The following CPQ variants were observed in gnomAD, a reference collection of about 807,000 sequenced individuals.
CPQ encodes the protein carboxypeptidase Q.
CPQ carries 37 observed loss-of-function variants against 45.7 expected under a neutral mutation model. The ratio of observed to expected loss-of-function variants is 0.81; its 90% CI spans 0.62 to 1.07. CPQ has a LOEUF of 1.07. CPQ is among the 50% of genes least tolerant of loss of function. The pLI, the probability that CPQ is intolerant of heterozygous loss-of-function variation, is 0.00. For synonymous variants in CPQ, 186 were observed against 205.8 expected, an observed-to-expected ratio of 0.90 and a Z score of 0.82; for missense variants, 537 against 572.9, an observed-to-expected ratio of 0.94 and a Z score of 0.64.
chr8:96,878,177 A>G (rs1366823783), intron 3 of CPQ, among the ~76,000 whole-genome samples: 1 of 152,102 alleles, frequency 6.6e-6, no homozygotes, highest in African/African-American at 2.4e-5. Flanking sequence ...CATGTTGGCC[A>G]GGATGGTCTT....
At chr8:96,676,377 A>T (rs113750722) in intron 1 of CPQ, among the ~76,000 whole-genome samples, 3,689 of 151,916 alleles carry the variant, frequency 0.024, 164 homozygotes, top group African/African-American at 0.084. Context: ...TCTTTATGTG[A>T]ATTTATTCCT....
intron 1 of CPQ, among the ~76,000 whole-genome samples, chr8:96,741,780 C>T (rs529949545): frequency 5.3e-5 from 8 of 151,272 alleles, no homozygotes; most frequent in South Asian, 4.2e-4. Context: ...TGTAGTTGAG[C>T]GGTTTTGAGT....
chr8:97,023,277 G>C (rs1256890874), intron 5 of CPQ, among the ~76,000 whole-genome samples: 1 of 151,842 alleles, frequency 6.6e-6, no homozygotes, highest in East Asian at 1.9e-4. Flanking sequence ...CAAGCTATGA[G>C]GATGCAAAGG....
chr8:96,938,876 T>G lies in CPQ; in HGVS notation c.850-27059T>G, dbSNP rs1260988784. ...CATATAGTTTTAGGAGCTTTTACTT[T>G]CTGTGCTTCCTTGTTACAGAAATGA... On this transcript the variant is annotated intron_variant, in intron 4 of 7. Coordinates refer to ENST00000220763, the MANE Select transcript of CPQ (RefSeq NM_016134.4). Among the ~76,000 whole-genome samples, 3 of 152,178 alleles carry G rather than the reference T, an allele frequency of 2.0e-5. No individual in the cohort carries two copies. The East Asian group carries it at 5.8e-4, about 29-fold the overall frequency.
At chr8:96,987,628 A>G (rs1809012005) in intron 5 of CPQ, among the ~76,000 whole-genome samples, 1 of 152,178 alleles carries the variant, frequency 6.6e-6, no homozygotes, top group Admixed American at 6.5e-5. Context: ...AACCTTTGTT[A>G]ATCATACAGC....
At chr8:96,731,252 A>G (rs1809910345) in intron 1 of CPQ, among the ~76,000 whole-genome samples, 1 of 152,138 alleles carries the variant, frequency 6.6e-6, no homozygotes, top group South Asian at 2.1e-4. Flanking sequence ...TTATATCTTA[A>G]TTAGAGATGA....
At chr8:96,784,404 G>A (rs974744558) in intron 1 of CPQ, among the ~76,000 whole-genome samples, 3 of 151,720 alleles carry the variant, frequency 2.0e-5, no homozygotes, top group Admixed American at 6.6e-5. Flanking sequence ...TGAGGTGGGG[G>A]GGGGGTTGGT....
chr8:96,963,209 G>A (rs1341960835), intron 4 of CPQ, among the ~76,000 whole-genome samples: 19 of 152,152 alleles, frequency 1.2e-4, no homozygotes, highest in Admixed American at 1.2e-3. Flanking sequence ...GTTTATTGAA[G>A]CACATTTTTA....
At chr8:97,013,817 G>A (rs977443577) in intron 5 of CPQ, among the ~76,000 whole-genome samples, 1 of 152,282 alleles carries the variant, frequency 6.6e-6, no homozygotes, top group South Asian at 2.1e-4. Context: ...TAGACCAGTG[G>A]TGTCCAAAGT....
chr8:97,045,165 T>G (rs1343776065), intron 6 of CPQ, among the ~76,000 whole-genome samples: 1 of 152,188 alleles, frequency 6.6e-6, no homozygotes, highest in Non-Finnish European at 1.5e-5. Flanking sequence ...CGGCTGCTTT[T>G]TTTACCTAAG....
Position 96,989,492 on chromosome 8 carries a change from G to GGAGGA in CPQ, c.961+23463_961+23467dup, listed in dbSNP as rs796776955. 3.1e-3 allele frequency among the ~76,000 whole-genome samples: 456 copies of GGAGGA among 148,184 alleles called. 1 individual carries two copies. Among genetic ancestry groups the GGAGGA allele is most frequent in the African/African-American group, 0.01 (415 of 40,138 alleles). ...GGAGGGGAGGGGAGGAGAGGGGAGT[G>GGAGGA]GAGGAGAGGAGAGGAGAGGAGCGGA... On this transcript the variant is annotated intron_variant, in intron 5 of 7. Coordinates refer to ENST00000220763, the MANE Select transcript of CPQ (RefSeq NM_016134.4).
At chr8:97,115,601 T>C (rs531882167) in intron 7 of CPQ, among the ~76,000 whole-genome samples, 1 of 152,342 alleles carries the variant, frequency 6.6e-6, no homozygotes, top group African/African-American at 2.4e-5. Flanking sequence ...GATCAGTACC[T>C]GACTTAGCCT....
At chr8:96,698,840 G>A (rs1236688293) in intron 1 of CPQ, among the ~76,000 whole-genome samples, 2 of 152,084 alleles carry the variant, frequency 1.3e-5, no homozygotes, top group African/African-American at 4.8e-5. Flanking sequence ...ACAAATGCTG[G>A]CAAGGATGTG....
rs1052886443 is a variant in CPQ, at chr8:97,042,499, G to C, written c.1053+13005G>C. On this transcript the variant is annotated intron_variant, in intron 6 of 7. Transcript: ENST00000220763. Reference sequence around the variant, plus strand: ...TCTCTATTTCCTTCAGTTCTCCTCCGATTTTAGTTATTTCTTGCCTTCTGC... The same window carrying C: ...TCTCTATTTCCTTCAGTTCTCCTCCCATTTTAGTTATTTCTTGCCTTCTGC... 3.9e-5 allele frequency among the ~76,000 whole-genome samples: 6 copies of C among 152,076 alleles called. No homozygotes were observed. The South Asian group carries it at 1.2e-3, about 32-fold the overall frequency.
chr8:96,822,020 C>G (rs774796575), intron 2 of CPQ, among the ~76,000 whole-genome samples: 1 of 152,078 alleles, frequency 6.6e-6, no homozygotes, highest in East Asian at 1.9e-4. Context: ...CTTTTTCTAA[C>G]TGAAAATTTG....
intron 2 of CPQ, among the ~76,000 whole-genome samples, chr8:96,790,203 T>C (rs1348141642): frequency 6.6e-6 from 1 of 152,132 alleles, no homozygotes; most frequent in Non-Finnish European, 1.5e-5. Context: ...CCTTATGGCT[T>C]CTCTCTTCCC....
chr8:96,970,713 G>A (rs1019877354), intron 5 of CPQ, among the ~76,000 whole-genome samples: 2 of 152,072 alleles, frequency 1.3e-5, no homozygotes, highest in South Asian at 2.1e-4. Flanking sequence ...ACAGGCGCCC[G>A]CTACCACGCC....
At chr8:96,765,916 G>C (rs888319717) in intron 1 of CPQ, among the ~76,000 whole-genome samples, 1 of 152,132 alleles carries the variant, frequency 6.6e-6, no homozygotes, top group African/African-American at 2.4e-5. Flanking sequence ...AAATAAACAG[G>C]AAATTCTAAG....
rs550230627 is a variant in CPQ at position 96,828,957 on chromosome 8, G to A, written c.434-6016G>A. Among the ~76,000 whole-genome samples, 3 of 152,228 alleles carry A rather than the reference G, an allele frequency of 2.0e-5. No individual in the cohort carries two copies. In the East Asian group the frequency reaches 5.8e-4, roughly 29 times the overall value. On this transcript the variant is annotated intron_variant, in intron 2 of 7. Coordinates refer to ENST00000220763, the MANE Select transcript of CPQ (RefSeq NM_016134.4). ...ATCCAATTTCTAAGGACCAGAAGCA[G>A]TCTATGCTTATGGCTGCTTATTGCT...
Sources: allele counts gnomAD v4.1 joint callset (sites outside exome capture counted in the v4.1 genomes callset), GRCh38; gene constraint gnomAD v4.1.1; transcripts MANE v1.5; gene names NCBI Gene and HGNC (gene_info 2026-07-23, HGNC 2026-07-21).